The following UBXN4 variants were observed in gnomAD, a reference collection of about 807,000 sequenced individuals.
UBXN4 encodes the protein UBX domain protein 4, also known as UBX domain-containing protein 4.
A neutral mutation model predicts 66.2 loss-of-function variants in UBXN4; 35 were observed. The ratio of observed to expected loss-of-function variants is 0.53; its 90% confidence interval spans 0.40 to 0.70. The LOEUF (loss-of-function observed/expected upper bound fraction) is 0.70. Ranked by LOEUF, UBXN4 falls within the 30% of genes least tolerant of loss-of-function variation. The probability of loss-of-function intolerance (pLI) is 0.00; values close to 1 mark genes in which losing one functional copy is unlikely to be tolerated. For missense variants in UBXN4, 533 were observed against 599.8 expected (o/e 0.89, Z 1.16); for synonymous variants, 203 against 204.5 (o/e 0.99, Z 0.06).
intron 8 of UBXN4, among the ~76,000 whole-genome samples, chr2:135,771,094 G>A (rs2077380178): frequency 6.9e-6 from 1 of 144,678 alleles, no homozygotes; most frequent in African/African-American, 2.8e-5. Context: ...GTAGTCACAG[G>A]CACACTTTTT....
chr2:135,755,268 T>G (rs894211734), intron 4 of UBXN4, among the ~76,000 whole-genome samples: 3 of 152,140 alleles, frequency 2.0e-5, no homozygotes, highest in Non-Finnish European at 4.4e-5. Flanking sequence ...CTTTTTTCTT[T>G]GAATTCTAAT....
At chr2:135,769,676 C>G in intron 6 of UBXN4, 93 bp from the exon 7 acceptor site, 2 of 936,984 alleles carry the variant, frequency 2.1e-6, no homozygotes, top group Non-Finnish European at 3.0e-6. Flanking sequence ...TTCTTTATTT[C>G]TCCAATTGTT....
At chr2:135,774,661 G>A (rs2077401987) in intron 9 of UBXN4, among the ~76,000 whole-genome samples, 1 of 151,922 alleles carries the variant, frequency 6.6e-6, no homozygotes, top group Admixed American at 6.6e-5. Context: ...CCTCGCCAAC[G>A]TGGCAAAAAA....
intron 10 of UBXN4, among the ~76,000 whole-genome samples, chr2:135,777,379 T>A (rs78569214): frequency 6.6e-6 from 1 of 152,212 alleles, no homozygotes; most frequent in East Asian, 1.9e-4. Flanking sequence ...TTTGGTCGTC[T>A]TCTTGCACTC....
At chr2:135,763,998 T>C (rs995315738) in intron 6 of UBXN4, among the ~76,000 whole-genome samples, 1 of 150,332 alleles carries the variant, frequency 6.7e-6, no homozygotes, top group Non-Finnish European at 1.5e-5. Flanking sequence ...ATGGCACGCA[T>C]CTGTAGTCCC....
intron 9 of UBXN4, among the ~76,000 whole-genome samples, chr2:135,773,411 G>A (rs2077395167): frequency 6.6e-6 from 1 of 152,190 alleles, no homozygotes; most frequent in African/African-American, 2.4e-5. Context: ...CCAGACAGAA[G>A]AGATTAACCT....
intron 5 of UBXN4, among the ~76,000 whole-genome samples, chr2:135,760,051 A>G (rs925214891): frequency 4.6e-5 from 7 of 152,126 alleles, no homozygotes; most frequent in African/African-American, 1.7e-4. Flanking sequence ...TACAGGTGTG[A>G]GCCACCATAC....
At chr2:135,743,427 T>G (rs1467067952) in intron 1 of UBXN4, among the ~76,000 whole-genome samples, 1 of 152,224 alleles carries the variant, frequency 6.6e-6, no homozygotes, top group Non-Finnish European at 1.5e-5. Flanking sequence ...ACATTTTAAA[T>G]TGTTTTTCTC....
intron 4 of UBXN4, 84 bp downstream of exon 4, chr2:135,754,361 G>T (rs776157609): frequency 3.7e-6 from 4 of 1,079,314 alleles, no homozygotes; most frequent in African/African-American, 1.6e-5. Context: ...TCGTTCTGTC[G>T]CCCAGGCTGG....
intron 6 of UBXN4, among the ~76,000 whole-genome samples, chr2:135,766,182 G>A (rs1377985566): frequency 6.6e-6 from 1 of 150,698 alleles, no homozygotes; most frequent in Non-Finnish European, 1.5e-5. Context: ...AAGCCCAAAT[G>A]TAGAAGTTAT....
intron 2 of UBXN4, among the ~76,000 whole-genome samples, chr2:135,753,220 C>T (rs1033539980): frequency 2.0e-5 from 3 of 151,940 alleles, no homozygotes; most frequent in Non-Finnish European, 2.9e-5. Context: ...GACGGGGTTT[C>T]GCCATGTTGG....
rs190447425 is a variant in UBXN4, at chr2:135,783,885, A to G, written c.*998A>G. ...TTTATCCGTATGTCTTTGTTAGTGGAGACCGCTAAACTAATGATGTTTGAA... is the reference window on the plus strand; with the variant it reads ...TTTATCCGTATGTCTTTGTTAGTGGGGACCGCTAAACTAATGATGTTTGAA... On this transcript the variant is annotated 3_prime_UTR_variant, in exon 13 of 13. Coordinates refer to ENST00000272638, the MANE Select transcript of UBXN4 (RefSeq NM_014607.4). The G allele has an allele frequency of 2.6e-5, 4 of 152,316 alleles. No homozygotes were observed. In the East Asian group the frequency reaches 7.7e-4, roughly 29 times the overall value. The allele number at this position is 152,316 out of a possible 1,614,324, so 9.4% of individuals were successfully genotyped here. A position where few individuals can be genotyped will look rare whatever the true frequency, so the allele number is the denominator to read the frequency against.
chr2:135,754,770 C>T (rs2077269683), intron 4 of UBXN4, among the ~76,000 whole-genome samples: 1 of 152,064 alleles, frequency 6.6e-6, no homozygotes, highest in African/African-American at 2.4e-5. Flanking sequence ...TAATACTTGA[C>T]TGACTTCTTT....
intron 9 of UBXN4, among the ~76,000 whole-genome samples, chr2:135,774,873 C>G (rs2077403907): frequency 6.6e-6 from 1 of 151,534 alleles, no homozygotes; most frequent in Non-Finnish European, 1.5e-5. Flanking sequence ...AAAGAACAAC[C>G]CATAGAATTG....
Position 135,770,630 on chromosome 2 carries a change from AAG to A in UBXN4, c.719_720del (p.Arg240LysfsTer22). 6.4e-7 allele frequency: 1 copy of A among 1,562,842 alleles called. No homozygotes were observed. The highest frequency in any genetic ancestry group is 8.6e-7 in the Non-Finnish European group (1 of 1,160,856). ...CTGGAAAAGAAATGTTGGATTATAA[AAG>A]AAAACAAGAAGAAGAATTAACAAAA... The part of the protein sequence containing the change: ...KTGKEMLDYK[R>X]KQEEELTKRM... On this transcript the variant is annotated frameshift_variant, in exon 8 of 13. Coordinates refer to ENST00000272638, the MANE Select transcript of UBXN4 (RefSeq NM_014607.4). LOFTEE classifies it high-confidence loss of function.
Position 135,783,005 on chromosome 2 carries a change from T to C in UBXN4, c.*118T>C. ...TCCAACTGGTCTATAAAATGTCTCT[T>C]TATTCCTGCTTAGTGGGTGTGGGTT... On this transcript the variant is annotated 3_prime_UTR_variant, in exon 13 of 13. Transcript: ENST00000272638. The C allele has an allele frequency of 4.5e-6, 5 of 1,104,518 alleles. No homozygotes were observed. The highest frequency in any genetic ancestry group is 5.1e-6 in the Non-Finnish European group (4 of 781,620). The allele number at this position is 1,104,518 out of a possible 1,614,324, so 68.4% of individuals were successfully genotyped here.
intron 10 of UBXN4, among the ~76,000 whole-genome samples, chr2:135,777,403 G>T (rs913116105): frequency 6.6e-6 from 1 of 152,130 alleles, no homozygotes; most frequent in African/African-American, 2.4e-5. Context: ...AACTAGGCTG[G>T]ACAATGTAAA....
intron 1 of UBXN4, among the ~76,000 whole-genome samples, chr2:135,742,939 C>G (rs2077185934): frequency 1.3e-5 from 2 of 152,272 alleles, no homozygotes; most frequent in East Asian, 1.9e-4. Context: ...CTCTGTTGCT[C>G]TAGGCTATTT....
chr2:135,778,677 A>G (rs1312803881), intron 10 of UBXN4, among the ~76,000 whole-genome samples: 1 of 152,124 alleles, frequency 6.6e-6, no homozygotes, highest in African/African-American at 2.4e-5. Flanking sequence ...ACAATTGTCC[A>G]TTTTTACTCA....
Sources: gnomAD v4.1 joint callset for allele counts (sites outside exome capture counted in the v4.1 genomes callset) on GRCh38, gnomAD v4.1.1 for gene constraint, MANE v1.5 for transcripts, NCBI Gene and HGNC (gene_info 2026-07-23, HGNC 2026-07-21) for gene names.